FAM171A2: variants seen among roughly 807,000 people sequenced by gnomAD.
The protein encoded by FAM171A2 is family with sequence similarity 171 member A2.
FAM171A2 carries 13 observed loss-of-function variants against 34.2 expected under a neutral mutation model. The observed-to-expected ratio is 0.38, with a 90% CI of 0.25 to 0.60. The LOEUF (loss-of-function observed/expected upper bound fraction) is 0.60. FAM171A2 is among the 20% of genes least tolerant of loss of function. The pLI is 0.62. For missense variants in FAM171A2, 950 were observed against 1,180.7 expected (o/e 0.80, Z 2.86); for synonymous variants, 475 against 561.2 (o/e 0.85, Z 2.17).
In FAM171A2 at chr17:44,356,094, TG is replaced by T. The variant is rs1260339595; in HGVS notation, c.779-21del. On this transcript the variant is annotated intron_variant, in intron 5 of 7. Coordinates refer to ENST00000293443, the MANE Select transcript of FAM171A2 (RefSeq NM_198475.3). ...ACAGCCCTGGGAGAGGCAGGGGTTT[TG>T]TCACACTTGAGTCGCTCCCACTCAA... 1 of 1,527,774 alleles carries T rather than the reference TG, an allele frequency of 6.5e-7. No individual in the cohort carries two copies. Among genetic ancestry groups the T allele is most frequent in the East Asian group, 2.5e-5 (1 of 40,582 alleles). The allele number at this position is 1,527,774 out of a possible 1,614,324, so 94.6% of individuals were successfully genotyped here.
rs1171322591 is a variant in FAM171A2, at chr17:44,363,584, G to A, written c.118+13C>T. The A allele has an allele frequency of 7.4e-6, 9 of 1,214,150 alleles. No individual in the cohort carries two copies. In the South Asian group the frequency reaches 2.9e-4, roughly 39 times the overall value. 75.2% of individuals were successfully genotyped at this position (1,214,150 alleles called of 1,614,324 possible). The stretch of plus-strand genomic sequence containing the variant: ...CAGGCCCGCGATCGCGGCCCCTCCC[G>A]GCTGAGACTCACCCTGCGGGCTGGG... On this transcript the variant is annotated intron_variant, in intron 1 of 7. Transcript: ENST00000293443.
Position 44,354,588 on chromosome 17 carries a change from G to A in FAM171A2, c.1626C>T (p.Ile542=). ...VYRNVMPTLV[I]PAHYVRLGGE... is the part of the protein sequence containing the mutation. ...CGCCGAGGCGCACGTAGTGCGCGGG[G>A]ATCACCAGGGTGGGCATGACGTTGC... is the stretch of plus-strand genomic sequence containing the variant. Residue 542 remains isoleucine (I), a synonymous_variant, in exon 8 of 8, where the codon ATC becomes ATT. Coordinates refer to ENST00000293443, the MANE Select transcript of FAM171A2 (RefSeq NM_198475.3). The surrounding 1 kb of genome is among the most constrained non-coding windows in gnomAD (Gnocchi z 5.8). 7 of 1,238,238 alleles carry A rather than the reference G, an allele frequency of 5.7e-6. 1 individual carries two copies. Among genetic ancestry groups the A allele is most frequent in the Non-Finnish European group, 5.1e-6 (5 of 988,276 alleles). The allele number at this position is 1,238,238 out of a possible 1,614,324, so 76.7% of individuals were successfully genotyped here.
chr17:44,359,356 A>G, intron 3 of FAM171A2: 1 of 569,832 alleles, frequency 1.8e-6, no homozygotes, highest in Non-Finnish European at 3.1e-6. Context: ...AACTGTAAAC[A>G]TTTATTGAAC....
At position 44,354,863 on chromosome 17, in the gene FAM171A2, C is replaced by T. The variant is rs1377784733; in HGVS notation, c.1351G>A (p.Gly451Ser). The T allele has an allele frequency of 2.3e-6, 3 of 1,282,696 alleles. No homozygotes were observed. The highest frequency in any genetic ancestry group is 8.5e-5 in the Admixed American group (2 of 23,556). The allele number at this position is 1,282,696 out of a possible 1,614,324, so 79.5% of individuals were successfully genotyped here. A position where few individuals can be genotyped will look rare whatever the true frequency, so the allele number is the denominator to read the frequency against. Residue 451 changes from glycine (G) to serine (S), a missense_variant, in exon 8 of 8, where the codon GGC (glycine) becomes AGC (serine). By Grantham distance (56) the Gly-to-Ser change is moderately conservative. This residue lies in a region of FAM171A2 where 752 missense variants were observed against 924.5 expected (regional missense o/e 0.81). Transcript: ENST00000293443. This position sits in a 1 kb window ranked among gnomAD's most constrained non-coding sequence, Gnocchi z 5.8. ...LKGARSAEGP[G>S]GLEPGLEEHR... ...TCCTCTAGGCCGGGCTCCAGCCCGC[C>T]GGGGCCCTCGGCCGAGCGAGCGCCC...
At position 44,355,942 on chromosome 17, in the gene FAM171A2, G is replaced by T; in HGVS notation, c.895+16C>A. 1.9e-6 allele frequency: 3 copies of T among 1,539,914 alleles called. No individual in the cohort carries two copies. The highest frequency in any genetic ancestry group is 2.6e-6 in the Non-Finnish European group (3 of 1,139,880). On this transcript the variant is annotated intron_variant, in intron 6 of 7. Transcript: ENST00000293443. This position sits in a 1 kb window ranked among gnomAD's most constrained non-coding sequence, Gnocchi z 4.1. ...CTCCTCCGCGGCCTCTACGCCCACT[G>T]CCCCACTACTCTTACCAGCCGTGGG...
At position 44,353,906 on chromosome 17, in the gene FAM171A2, G is replaced by GC; in HGVS notation, c.2307dup (p.Arg770AlafsTer88). On this transcript the variant is annotated frameshift_variant, in exon 8 of 8. Transcript: ENST00000293443. LOFTEE classifies it low-confidence loss of function (END_TRUNC). ...GAGCTGTCCCCGCGGCTGCGGCCCCGCCCCCGGGGTACCGTGGCCGCCCGG... is the reference window on the plus strand; with the variant it reads ...GAGCTGTCCCCGCGGCTGCGGCCCCGCCCCCCGGGGTACCGTGGCCGCCCGG... 1 of 1,298,538 alleles carries GC rather than the reference G, an allele frequency of 7.7e-7. No homozygotes were observed. 80.4% of individuals were successfully genotyped at this position (1,298,538 alleles called of 1,614,324 possible).
intron 1 of FAM171A2, among the ~76,000 whole-genome samples, chr17:44,361,433 G>A (rs2048447368): frequency 6.6e-6 from 1 of 152,186 alleles, no homozygotes; most frequent in South Asian, 2.1e-4. Flanking sequence ...CTGGAGCTGA[G>A]AGCAGCAGGG....
At chr17:44,357,758 T>TGTGTGTGTGTGTGTGTGTGTGTGTG (rs61464829) in intron 3 of FAM171A2, among the ~76,000 whole-genome samples, 62 of 148,846 alleles carry the variant, frequency 4.2e-4, no homozygotes, top group African/African-American at 6.8e-4. Flanking sequence ...TGTGTGTGTG[T>TGTGTGTGTGTGTGTGTGTGTGTGTG]TGGGGTGGAG....
rs1317093879 is a variant in FAM171A2, at chr17:44,354,833, G to C, written c.1381C>G (p.Arg461Gly). The change falls in exon 8 of 8, where the codon CGG becomes GGG. Residue 461 changes from arginine to glycine, a missense_variant. Arg to Gly is a moderately radical substitution (Grantham distance 125, BLOSUM62 -2). Around this residue, in one of 3 missense-constraint regions of FAM171A2, gnomAD observed 752 missense variants for 924.5 expected, o/e 0.81. Coordinates refer to ENST00000293443, the MANE Select transcript of FAM171A2 (RefSeq NM_198475.3). This position sits in a 1 kb window ranked among gnomAD's most constrained non-coding sequence, Gnocchi z 5.8. ...GCCGCAGCCCCCGAGGGCCCCCGCC[G>C]GTGCTCCTCTAGGCCGGGCTCCAGC... ...GGLEPGLEEH[R>G]RGPSGAAAFL... is the part of the protein sequence containing the mutation. 24 of 1,280,426 alleles carry C rather than the reference G, an allele frequency of 1.9e-5. 1 individual carries two copies. Among genetic ancestry groups the C allele is most frequent in the Non-Finnish European group, 2.3e-5 (23 of 1,014,890 alleles). The allele number at this position is 1,280,426 out of a possible 1,614,324, so 79.3% of individuals were successfully genotyped here.
At chr17:44,361,169 C>G (rs956172174) in intron 1 of FAM171A2, among the ~76,000 whole-genome samples, 4 of 152,256 alleles carry the variant, frequency 2.6e-5, no homozygotes, top group African/African-American at 9.6e-5. Flanking sequence ...AGGCGTCCTG[C>G]CCTCAGATGG....
In FAM171A2 at chr17:44,354,407, C is replaced by A; in HGVS notation, c.1807G>T (p.Gly603Cys). ...GGEGGGGGGE[G>C]WGAGRAAPVS... The stretch of plus-strand genomic sequence containing the variant: ...GGCGCCGCGCGCCCGGCCCCCCAGC[C>A]CTCGCCGCCGCCCCCGCCGCCCTCG... Residue 603 changes from glycine to cysteine, a missense_variant, in exon 8 of 8, where the codon GGC becomes TGC. Physicochemically the swap from Gly to Cys is radical, Grantham distance 159. Transcript: ENST00000293443. The surrounding 1 kb of genome is among the most constrained non-coding windows in gnomAD (Gnocchi z 5.8). 8.3e-7 allele frequency: 1 copy of A among 1,198,594 alleles called. No homozygotes were observed. The highest frequency in any genetic ancestry group is 3.2e-5 in the South Asian group (1 of 30,888). 74.2% of individuals were successfully genotyped at this position (1,198,594 alleles called of 1,614,324 possible). A position where few individuals can be genotyped will look rare whatever the true frequency, so the allele number is the denominator to read the frequency against.
rs766293997 is a variant in FAM171A2 at position 44,356,321 on chromosome 17, CA to C, written c.629del (p.Leu210ArgfsTer4). ...TCAGCAGGTGCACGCTCACAGCAGT[CA>C]GGGGCATCAGCTCCAGCCAGGAGCC... is the stretch of plus-strand genomic sequence containing the variant. The part of the protein sequence containing the change: ...GNGSWLELMP[L>X]TAVSVHLLTG... On this transcript the variant is annotated frameshift_variant, in exon 5 of 8. Coordinates refer to ENST00000293443, the MANE Select transcript of FAM171A2 (RefSeq NM_198475.3). LOFTEE classifies it high-confidence loss of function. The C allele has an allele frequency of 5.8e-6, 9 of 1,548,030 alleles. No homozygotes were observed.
Position 44,353,337 on chromosome 17 carries a change from C to A in FAM171A2, c.*396G>T. On this transcript the variant is annotated 3_prime_UTR_variant, in exon 8 of 8. Transcript: ENST00000293443. ...CGTAGCCCAGAGATGGGCTAGTCAG[C>A]AAGCAGCACCCCCTCCCCTCCCAGG... 1 of 178,156 alleles carries A rather than the reference C, an allele frequency of 5.6e-6. No individual in the cohort carries two copies. The highest frequency in any genetic ancestry group is 1.3e-4 in the South Asian group (1 of 7,758). 11.0% of individuals were successfully genotyped at this position (178,156 alleles called of 1,614,324 possible).
At chr17:44,359,873 T>C in intron 2 of FAM171A2, 32 bp downstream of exon 2, 2 of 1,498,552 alleles carry the variant, frequency 1.3e-6, no homozygotes, top group Non-Finnish European at 1.8e-6. Context: ...GGTCAGCTGC[T>C]GTCCCCCCCC....
Position 44,355,248 on chromosome 17 carries a change from C to G in FAM171A2, c.1023-57G>C, listed in dbSNP as rs937539360. On this transcript the variant is annotated intron_variant, in intron 7 of 7. Coordinates refer to ENST00000293443, the MANE Select transcript of FAM171A2 (RefSeq NM_198475.3). This position sits in a 1 kb window ranked among gnomAD's most constrained non-coding sequence, Gnocchi z 4.1. ...GGAAAGGGTGAGGGCCAAAGTAGGC[C>G]CCGAACCCCCTTAGATGCAAGACAA... 3.9e-6 allele frequency: 6 copies of G among 1,534,566 alleles called. No individual in the cohort carries two copies.
Position 44,356,366 on chromosome 17 carries a change from G to GT in FAM171A2, c.599-15dup, listed in dbSNP as rs1002203880. ...AGGAGCCATTGCCTGAGGGAAGAGG[G>GT]TACAGGGCTGAGGGCTGATCCTGAG... On this transcript the variant is annotated splice_polypyrimidine_tract_variant and intron_variant, in intron 4 of 7. Coordinates refer to ENST00000293443, the MANE Select transcript of FAM171A2 (RefSeq NM_198475.3). The GT allele has an allele frequency of 3.5e-5, 54 of 1,546,200 alleles. No homozygotes were observed. The highest frequency in any genetic ancestry group is 4.6e-5 in the Non-Finnish European group (53 of 1,143,126).
Position 44,353,855 on chromosome 17 carries a change from G to C in FAM171A2, c.2359C>G (p.Arg787Gly). Residue 787 changes from arginine (R) to glycine (G), a missense_variant, in exon 8 of 8, where the codon CGC becomes GGC. Arg to Gly is a moderately radical substitution (Grantham distance 125). Transcript: ENST00000293443. The stretch of plus-strand genomic sequence containing the variant: ...TCCTCCGGGCTGGTGAGCGAGTCGC[G>C]CCGCAGCTCGCTGGCGCTGCTGCGG... Reference protein sequence around the residue: ...SSRSSASELRRDSLTSPEDEL... With the variant: ...SSRSSASELRGDSLTSPEDEL... The C allele has an allele frequency of 7.2e-7, 1 of 1,385,306 alleles. No individual in the cohort carries two copies. The highest frequency in any genetic ancestry group is 9.4e-7 in the Non-Finnish European group (1 of 1,068,634). The allele number at this position is 1,385,306 out of a possible 1,614,324, so 85.8% of individuals were successfully genotyped here. A position where few individuals can be genotyped will look rare whatever the true frequency, so the allele number is the denominator to read the frequency against.
intron 1 of FAM171A2, 63 bp from the exon 2 acceptor site, chr17:44,360,195 C>A: frequency 7.3e-7 from 1 of 1,366,308 alleles, no homozygotes; most frequent in Non-Finnish European, 1.0e-6. Context: ...CTGGGGGGAG[C>A]CCCAAGATCA....
chr17:44,356,062 C>G lies in FAM171A2; in HGVS notation c.791G>C (p.Arg264Pro). The G allele has an allele frequency of 1.9e-6, 3 of 1,542,552 alleles. No homozygotes were observed. The highest frequency in any genetic ancestry group is 2.4e-5 in the South Asian group (2 of 82,776). Residue 264 changes from arginine (R) to proline (P), a missense_variant, in exon 6 of 8, where the codon CGC becomes CCC. Arg to Pro is a moderately radical substitution (Grantham distance 103). Around this residue, in one of 3 missense-constraint regions of FAM171A2, gnomAD observed 752 missense variants for 924.5 expected, o/e 0.81. Transcript: ENST00000293443. ...RFDPKSGLWV[R>P]NGTGVIRKEG... ...CTTCCGGATTACACCAGTGCCATTG[C>G]GCACCCACAGCCCTGGGAGAGGCAG...
Sources: allele counts gnomAD v4.1 joint callset (sites outside exome capture counted in the v4.1 genomes callset), GRCh38; gene constraint gnomAD v4.1.1; regional missense constraint gnomAD v4.1.1; non-coding constraint Gnocchi (gnomAD v3.1); transcripts MANE v1.5; gene names NCBI Gene and HGNC (gene_info 2026-07-23, HGNC 2026-07-21).